CD2AP: variants seen among roughly 807,000 people sequenced by gnomAD.
CD2AP encodes CD2-associated protein.
In CD2AP, 46 loss-of-function variants were observed where a neutral mutation model predicts 85.1. That is an observed-to-expected ratio of 0.54 (90% CI 0.43 to 0.69). The LOEUF is 0.69. Among genes scored for constraint, CD2AP ranks in the 30% least tolerant of loss-of-function variants. CD2AP has a pLI of 0.00. For synonymous variants in CD2AP, 255 were observed against 252.9 expected (o/e 1.01, Z -0.08); for missense variants, 769 against 729.5 (o/e 1.05, Z -0.62).
chr6:47,609,887 C>T (rs1769384423), intron 16 of CD2AP, among the ~76,000 whole-genome samples: 1 of 152,054 alleles, frequency 6.6e-6, no homozygotes, highest in African/African-American at 2.4e-5. Context: ...TTTTAAACTA[C>T]TAGGAAAAAT....
intron 2 of CD2AP, among the ~76,000 whole-genome samples, chr6:47,527,111 C>G: frequency 7.0e-6 from 1 of 142,886 alleles, no homozygotes; most frequent in Non-Finnish European, 1.6e-5. Flanking sequence ...AAGACTCCCC[C>G]CCGATTGAAA....
chr6:47,623,906 A>G (rs1769828580), intron 17 of CD2AP, among the ~76,000 whole-genome samples: 1 of 152,010 alleles, frequency 6.6e-6, no homozygotes, highest in Admixed American at 6.6e-5. Flanking sequence ...GGACTGACTG[A>G]TTTTTTTACA....
chr6:47,562,248 AG>A (rs1341078915), intron 5 of CD2AP, among the ~76,000 whole-genome samples: 1 of 152,238 alleles, frequency 6.6e-6, no homozygotes, highest in Non-Finnish European at 1.5e-5. Flanking sequence ...ATAAACTATG[AG>A]TATAGAAAAA....
chr6:47,566,358 T>G (rs1288446320), intron 5 of CD2AP, among the ~76,000 whole-genome samples: 1 of 121,116 alleles, frequency 8.3e-6, no homozygotes, highest in African/African-American at 2.7e-5. Flanking sequence ...ATGTATGTAT[T>G]TGTTTACTCA....
chr6:47,582,252 T>TA, intron 11 of CD2AP, 187 bp downstream of exon 11: 2 of 536,010 alleles, frequency 3.7e-6, no homozygotes, highest in South Asian at 4.4e-5. Context: ...TTACATTCAT[T>TA]AAAAAATTAA....
At chr6:47,522,378 G>T (rs1300988388) in intron 2 of CD2AP, among the ~76,000 whole-genome samples, 1 of 152,184 alleles carries the variant, frequency 6.6e-6, no homozygotes, top group Non-Finnish European at 1.5e-5. Flanking sequence ...GTTTTTGTGA[G>T]CTTTGTAGTG....
At chr6:47,486,513 T>A (rs932867083) in intron 1 of CD2AP, among the ~76,000 whole-genome samples, 1 of 152,198 alleles carries the variant, frequency 6.6e-6, no homozygotes, top group Non-Finnish European at 1.5e-5. Flanking sequence ...ATTCCTGCAC[T>A]GAAGGAAATG....
intron 1 of CD2AP, among the ~76,000 whole-genome samples, chr6:47,499,860 C>T (rs970314137): frequency 1.3e-5 from 2 of 152,128 alleles, no homozygotes; most frequent in African/African-American, 4.8e-5. Context: ...TCCTGAGTAG[C>T]TGGGACTACA....
intron 3 of CD2AP, among the ~76,000 whole-genome samples, chr6:47,542,977 C>T (rs1207973037): frequency 1.3e-5 from 2 of 151,400 alleles, no homozygotes; most frequent in Non-Finnish European, 2.9e-5. Flanking sequence ...ATGGTGAAAC[C>T]CTGCCTCTGC....
chr6:47,545,566 A>G (rs2114046912), intron 4 of CD2AP, among the ~76,000 whole-genome samples: 1 of 152,264 alleles, frequency 6.6e-6, no homozygotes, highest in Middle Eastern at 3.4e-3. Context: ...AGTGCATTAA[A>G]CAGCCAGAGC....
At chr6:47,619,460 G>T (rs7738532) in intron 17 of CD2AP, among the ~76,000 whole-genome samples, 130,324 of 152,198 alleles carry the variant, frequency 0.86, 56,395 homozygotes, top group Non-Finnish European at 0.92. Context: ...TCTTTATCCA[G>T]TTGTTGATTG....
intron 2 of CD2AP, among the ~76,000 whole-genome samples, chr6:47,521,046 A>AT (rs1018549214): frequency 2.9e-4 from 44 of 152,024 alleles, no homozygotes; most frequent in African/African-American, 1.1e-3. Context: ...TCAAAATTTA[A>AT]TTATTTATTT....
chr6:47,600,397 T>C (rs533728152), intron 13 of CD2AP, among the ~76,000 whole-genome samples: 3 of 152,126 alleles, frequency 2.0e-5, no homozygotes, highest in African/African-American at 7.2e-5. Flanking sequence ...TGTTTTTTAT[T>C]ACCTTATTAT....
At chr6:47,543,148 C>CAAAAAAAAAAAAAAAAAAAAAAAAGAAA (rs1767269647) in intron 3 of CD2AP, among the ~76,000 whole-genome samples, 1 of 60,322 alleles carries the variant, frequency 1.7e-5, no homozygotes, top group Non-Finnish European at 2.9e-5. Context: ...AAGACTGTCT[C>CAAAAAAAAAAAAAAAAAAAAAAAAGAAA]AAAAAAAAAA....
Position 47,566,320 on chromosome 6 carries a change from A to G in CD2AP, c.542-7744A>G, listed in dbSNP as rs528211048. 8.4e-4 allele frequency among the ~76,000 whole-genome samples: 110 copies of G among 130,708 alleles called. 1 individual carries two copies. Among genetic ancestry groups the G allele is most frequent in the African/African-American group, 2.8e-3 (108 of 38,872 alleles). The allele number at this position is 130,708 out of a possible 152,430, so 85.7% of individuals were successfully genotyped here. ...CATTAGAATATATATATATATATATATATACACATACACATATATATATAT... is the reference window on the plus strand; with the variant it reads ...CATTAGAATATATATATATATATATGTATACACATACACATATATATATAT... On this transcript the variant is annotated intron_variant, in intron 5 of 17. Coordinates refer to ENST00000359314, the MANE Select transcript of CD2AP (RefSeq NM_012120.3).
intron 2 of CD2AP, among the ~76,000 whole-genome samples, chr6:47,529,961 C>T (rs1044529253): frequency 5.9e-5 from 9 of 152,204 alleles, no homozygotes; most frequent in African/African-American, 2.2e-4. Flanking sequence ...AAGCTCTGTG[C>T]TTCCCATTGC....
intron 1 of CD2AP, among the ~76,000 whole-genome samples, chr6:47,489,752 A>C (rs924614443): frequency 1.3e-5 from 2 of 152,168 alleles, no homozygotes; most frequent in Non-Finnish European, 2.9e-5. Flanking sequence ...GATGTGGAGG[A>C]GACAGAATCA....
At chr6:47,566,639 C>A (rs1381335540) in intron 5 of CD2AP, among the ~76,000 whole-genome samples, 1 of 152,062 alleles carries the variant, frequency 6.6e-6, no homozygotes, top group Non-Finnish European at 1.5e-5. Flanking sequence ...CTCAACAGGT[C>A]CTGGTGTGTG....
In CD2AP at chr6:47,554,680, A is replaced by C. The variant is rs745830059; in HGVS notation, c.455A>C (p.Asn152Thr). The C allele has an allele frequency of 1.9e-6, 3 of 1,613,774 alleles. No individual in the cohort carries two copies. In the East Asian group the frequency reaches 6.7e-5, roughly 36 times the overall value. ...EEGWWSGTLN[N>T]KLGLFPSNFV... is the part of the protein sequence containing the mutation. ...GGCTGGTGGAGTGGAACCCTGAATA[A>C]CAAGTTGGGACTGTTTCCCTCAAAT... Residue 152 changes from asparagine to threonine, a missense_variant, in exon 5 of 18, where the codon AAC (asparagine) becomes ACC (threonine). Asn to Thr is a moderately conservative substitution (Grantham distance 65). Coordinates refer to ENST00000359314, the MANE Select transcript of CD2AP (RefSeq NM_012120.3).
Sources: allele counts gnomAD v4.1 joint callset (sites outside exome capture counted in the v4.1 genomes callset), GRCh38; gene constraint gnomAD v4.1.1; transcripts MANE v1.5; gene names NCBI Gene and HGNC (gene_info 2026-07-23, HGNC 2026-07-21).